Variants in OR6J1 observed in about 807,000 individuals in gnomAD.
OR6J1 encodes olfactory receptor family 6 subfamily J member 1.
For synonymous variants in OR6J1, 109 were observed against 70.0 expected, an observed-to-expected ratio of 1.56 and a Z score of -2.78; for missense variants, 304 against 166.8, an observed-to-expected ratio of 1.82 and a Z score of -4.53.
chr14:22,643,716 C>A (rs966483839), intron 1 of OR6J1, among the ~76,000 whole-genome samples: 2 of 57,872 alleles, frequency 3.5e-5, no homozygotes, highest in Non-Finnish European at 6.4e-5. Flanking sequence ...ATGGCAGAAA[C>A]ACACACACAC....
intron 1 of OR6J1, among the ~76,000 whole-genome samples, chr14:22,641,346 G>A (rs534324686): frequency 1.4e-5 from 2 of 143,450 alleles, no homozygotes; most frequent in South Asian, 2.3e-4. Context: ...AGGAGGGAGG[G>A]AGGGAAGAAA....
intron 1 of OR6J1, among the ~76,000 whole-genome samples, chr14:22,641,682 G>A (rs989388290): frequency 1.3e-5 from 2 of 152,020 alleles, no homozygotes; most frequent in African/African-American, 4.8e-5. Context: ...TGGGGCCTGC[G>A]ATTGATGAAA....
chr14:22,640,482 TG>T (rs1179536734), intron 1 of OR6J1, among the ~76,000 whole-genome samples: 1 of 143,870 alleles, frequency 7.0e-6, no homozygotes, highest in African/African-American at 2.7e-5. Flanking sequence ...ACAGTGAGAA[TG>T]TATTTTTTTT....
At chr14:22,639,423 G>A (rs1296281818) in intron 1 of OR6J1, among the ~76,000 whole-genome samples, 63 of 122,952 alleles carry the variant, frequency 5.1e-4, no homozygotes, top group African/African-American at 1.9e-3. Context: ...GCCTCTGCCC[G>A]GCCGCCCCTA....
chr14:22,636,703 C>T (rs1435200893), intron 1 of OR6J1, among the ~76,000 whole-genome samples: 5 of 116,560 alleles, frequency 4.3e-5, no homozygotes, highest in African/African-American at 9.6e-5. Context: ...GACGGAGTCT[C>T]GTTCACTCAG....
At chr14:22,641,263 A>C (rs1224312908) in intron 1 of OR6J1, among the ~76,000 whole-genome samples, 1 of 55,296 alleles carries the variant, frequency 1.8e-5, no homozygotes, top group Non-Finnish European at 3.9e-5. Context: ...GAAAGAAAGA[A>C]AGAAAGGAAG....
chr14:22,643,730 C>A, intron 1 of OR6J1, among the ~76,000 whole-genome samples: 1 of 72,570 alleles, frequency 1.4e-5, no homozygotes, highest in East Asian at 5.2e-4. Context: ...CACACACACA[C>A]ACACACACAC....
chr14:22,638,885 TC>T, intron 1 of OR6J1, among the ~76,000 whole-genome samples: 1 of 125,574 alleles, frequency 8.0e-6, no homozygotes, highest in Non-Finnish European at 1.7e-5. Flanking sequence ...GAGGAGCGCC[TC>T]TTCCCAGCCG....
chr14:22,633,768 C>G lies in OR6J1; in HGVS notation c.1044G>C (p.Ter348TyrextTer12), dbSNP rs147126519. 5.3e-4 allele frequency: 356 copies of G among 672,314 alleles called. 1 individual carries two copies. The African/African-American group carries it at 5.5e-3, about 10-fold the overall frequency. 41.6% of individuals were successfully genotyped at this position (672,314 alleles called of 1,614,324 possible). Residue 348 changes from the stop codon to tyrosine, a stop_lost, in exon 2 of 2, where the codon TAG becomes TAC. Transcript: ENST00000540461. ...PCVYSVKLQC[*>Y] is the part of the protein sequence containing the mutation. Reference sequence around the variant, plus strand: ...TTTCACTAAGGCAGCTCCTCTCTTTCTAACACTGGAGCTTTACAGAATAGA... The same window carrying G: ...TTTCACTAAGGCAGCTCCTCTCTTTGTAACACTGGAGCTTTACAGAATAGA...
chr14:22,631,228 C>A lies in OR6J1; in HGVS notation c.*2540G>T, dbSNP rs1489024339. 2 of 152,140 alleles carry A rather than the reference C, an allele frequency of 1.3e-5. No individual in the cohort carries two copies. Among genetic ancestry groups the A allele is most frequent in the Non-Finnish European group, 2.9e-5 (2 of 68,036 alleles). 9.4% of individuals were successfully genotyped at this position (152,140 alleles called of 1,614,324 possible). ...TCAGGAGACAGGGTTTTGAGAGCAA[C>A]CAGTCTGACCAAAATTTATTAGGTG... On this transcript the variant is annotated 3_prime_UTR_variant, in exon 2 of 2. Transcript: ENST00000540461.
At chr14:22,638,081 G>A (rs1369843216) in intron 1 of OR6J1, among the ~76,000 whole-genome samples, 2 of 99,116 alleles carry the variant, frequency 2.0e-5, no homozygotes, top group Non-Finnish European at 2.0e-5. Context: ...GGTGAGGGGC[G>A]CTTCTGCCCG....
chr14:22,634,266 G>C lies in OR6J1; in HGVS notation c.546C>G (p.Pro182=), dbSNP rs991048373. The C allele has an allele frequency of 1.4e-6, 1 of 703,236 alleles. No homozygotes were observed. The highest frequency in any genetic ancestry group is 1.7e-5 in the African/African-American group (1 of 57,270). The allele number at this position is 703,236 out of a possible 1,614,324, so 43.6% of individuals were successfully genotyped here. The change falls in exon 2 of 2, where the codon CCC becomes CCG. Residue 182 remains proline, a synonymous_variant. Coordinates refer to ENST00000540461, the MANE Select transcript of OR6J1 (RefSeq NM_001348233.2). The part of the protein sequence containing the change: ...IINHFFCDSG[P]LLALACADTT... Reference sequence around the variant, plus strand: ...TGTCTGCACAGGCCAGGGCCAGCAAGGGTCCACTGTCACAGAAGAAGTGGT... The same window carrying C: ...TGTCTGCACAGGCCAGGGCCAGCAACGGTCCACTGTCACAGAAGAAGTGGT...
chr14:22,641,257 GAAAGA>G (rs2037645606), intron 1 of OR6J1, among the ~76,000 whole-genome samples: 1 of 111,618 alleles, frequency 9.0e-6, no homozygotes, highest in Non-Finnish European at 1.9e-5. Flanking sequence ...AAGAAAGAAA[GAAAGA>G]AAGAAAGGAA....
At chr14:22,638,795 G>GTGGGAGCGTAAATTTATATAATTGCTTT (rs1244219001) in intron 1 of OR6J1, among the ~76,000 whole-genome samples, 18 of 144,648 alleles carry the variant, frequency 1.2e-4, no homozygotes, top group South Asian at 2.1e-4. Context: ...TACACTGCTA[G>GTGGGAGCGTAAATTTATATAATTGCTTT]GTGAGGAGCC....
rs1359847890 is a variant in OR6J1 at position 22,641,264 on chromosome 14, A to G, written c.-28+2834T>C. ...AAGAAAGAAAGAAAGAAAGAAAGAA[A>G]GAAAGGAAGGAAGGAAGAAAGAGAA... On this transcript the variant is annotated intron_variant, in intron 1 of 1. Transcript: ENST00000540461. 4.4e-5 allele frequency among the ~76,000 whole-genome samples: 5 copies of G among 112,426 alleles called. No homozygotes were observed. In the Admixed American group the frequency reaches 4.5e-4, roughly 10 times the overall value. The allele number at this position is 112,426 out of a possible 152,430, so 73.8% of individuals were successfully genotyped here.
rs80323992 is a variant in OR6J1, at chr14:22,634,639, A to G, written c.173T>C (p.Met58Thr). ...AGAGAGGTTGCACAAGAAGAAGTACATGGGGGTGTGGAGGCGGGAGCAGGA... is the reference window on the plus strand; with the variant it reads ...AGAGAGGTTGCACAAGAAGAAGTACGTGGGGGTGTGGAGGCGGGAGCAGGA... ...VLSCSRLHTP[M>T]YFFLCNLSIL... is the part of the protein sequence containing the mutation. The change falls in exon 2 of 2, where the codon ATG (methionine) becomes ACG (threonine). Residue 58 changes from methionine (M) to threonine (T), a missense_variant. Transcript: ENST00000540461. 16,597 of 744,666 alleles carry G rather than the reference A, an allele frequency of 0.022. 290 individuals are homozygous for G. The highest frequency in any genetic ancestry group is 0.043 in the Middle Eastern group (189 of 4,418). 46.1% of individuals were successfully genotyped at this position (744,666 alleles called of 1,614,324 possible).
intron 1 of OR6J1, among the ~76,000 whole-genome samples, chr14:22,640,478 A>G (rs1387117462): frequency 6.7e-6 from 1 of 148,414 alleles, no homozygotes; most frequent in African/African-American, 2.5e-5. Flanking sequence ...ACCAACAGTG[A>G]GAATGTATTT....
intron 1 of OR6J1, among the ~76,000 whole-genome samples, chr14:22,641,168 A>G (rs1566397509): frequency 7.1e-6 from 1 of 140,098 alleles, no homozygotes. Flanking sequence ...TGAAGAAAGA[A>G]AGAGAGAGAG....
rs78540267 is a variant in OR6J1, at chr14:22,634,176, G to A, written c.636C>T (p.Leu212=). ...SSMVILCCIV[L]VAYSYTYIIL... is the part of the protein sequence containing the mutation. Reference sequence around the variant, plus strand: ...TGATGTACGTATAGGAATAGGCCACGAGGACTATGCAGCAGAGGATGACCA... The same window carrying A: ...TGATGTACGTATAGGAATAGGCCACAAGGACTATGCAGCAGAGGATGACCA... The change falls in exon 2 of 2, where the codon CTC becomes CTT. Residue 212 remains leucine, a synonymous_variant. Coordinates refer to ENST00000540461, the MANE Select transcript of OR6J1 (RefSeq NM_001348233.2). The A allele has an allele frequency of 2.2e-3, 1,548 of 703,444 alleles. 18 individuals carry two copies. Among genetic ancestry groups the A allele is most frequent in the African/African-American group, 0.022 (1,256 of 57,340 alleles). The allele number at this position is 703,444 out of a possible 1,614,324, so 43.6% of individuals were successfully genotyped here.
Sources: gnomAD v4.1 joint callset for allele counts (sites outside exome capture counted in the v4.1 genomes callset) on GRCh38, gnomAD v4.1.1 for gene constraint, MANE v1.5 for transcripts, NCBI Gene and HGNC (gene_info 2026-07-23, HGNC 2026-07-21) for gene names.